The following SF3A2 variants were observed in gnomAD, a reference collection of about 807,000 sequenced individuals.
The protein encoded by SF3A2 is splicing factor 3a subunit 2.
Under a neutral mutation model 31.1 loss-of-function variants are expected in SF3A2, and 5 were observed. The ratio of observed to expected loss-of-function variants is 0.16; its 90% confidence interval spans 0.08 to 0.34. The LOEUF (loss-of-function observed/expected upper bound fraction) is 0.34, where lower values mean the gene tolerates loss of function less well. Among genes scored for constraint, SF3A2 ranks in the 10% least tolerant of loss-of-function variants. The probability of loss-of-function intolerance (pLI) is 1.00; values close to 1 mark genes in which losing one functional copy is unlikely to be tolerated. For missense variants in SF3A2, 577 were observed against 643.9 expected, an observed-to-expected ratio of 0.90 and a Z score of 1.13; for synonymous variants, 365 against 263.7, an observed-to-expected ratio of 1.38 and a Z score of -3.72.
chr19:2,243,649 G>A (rs903460441), intron 2 of SF3A2, 105 bp downstream of exon 2: 21 of 1,310,980 alleles, frequency 1.6e-5, no homozygotes, highest in Middle Eastern at 2.4e-4. Flanking sequence ...CAGGCTGGGC[G>A]ATGCAGCCCC....
chr19:2,239,002 T>G (rs2024865372), intron 1 of SF3A2, among the ~76,000 whole-genome samples: 2 of 152,216 alleles, frequency 1.3e-5, no homozygotes, highest in African/African-American at 4.8e-5. Flanking sequence ...AGTCCTTGAT[T>G]GTCTGAAAAC....
chr19:2,248,379 C>T lies in SF3A2; in HGVS notation c.1228C>T (p.Gln410Ter). ...CCCTCAGGCCCCGGGGGTCCACCCC[C>T]AACCTCCCGGGGTCCATCCGTCGGC... ...MHPQAPGVHP[Q>*]PPGVHPSAPG... The change falls in exon 9 of 9, where the codon CAA becomes TAA. Residue 410 changes from glutamine (Q) to a stop codon, truncating the protein, a stop_gained. Coordinates refer to ENST00000221494, the MANE Select transcript of SF3A2 (RefSeq NM_007165.5). LOFTEE classifies it high-confidence loss of function. 1 of 1,385,332 alleles carries T rather than the reference C, an allele frequency of 7.2e-7. No individual in the cohort carries two copies. Among genetic ancestry groups the T allele is most frequent in the Non-Finnish European group, 9.3e-7 (1 of 1,073,904 alleles). 85.8% of individuals were successfully genotyped at this position (1,385,332 alleles called of 1,614,324 possible).
At chr19:2,243,683 C>A in intron 2 of SF3A2, 139 bp downstream of exon 2, 1 of 986,286 alleles carries the variant, frequency 1.0e-6, no homozygotes, top group Non-Finnish European at 1.4e-6. Context: ...CCCCTGTTGC[C>A]CCCGAGCAGC....
chr19:2,247,226 A>C (rs114142346), intron 7 of SF3A2: 6,047 of 86,294 alleles, frequency 0.07, 69 homozygotes, highest in Middle Eastern at 0.12. Context: ...CCACTGGGCC[A>C]ATGAGAAGGG....
chr19:2,240,543 G>A (rs952854613), intron 1 of SF3A2, among the ~76,000 whole-genome samples: 2 of 152,226 alleles, frequency 1.3e-5, no homozygotes, highest in Non-Finnish European at 2.9e-5. Context: ...GTGAGTGGTT[G>A]AGTATTGGTC....
rs796562322 is a variant in SF3A2 at position 2,239,319 on chromosome 19, C to A, written c.-38+2418C>A. Among the ~76,000 whole-genome samples the A allele has an allele frequency of 5.7e-5, 8 of 139,958 alleles. 1 individual carries two copies. Among genetic ancestry groups the A allele is most frequent in the African/African-American group, 2.2e-4 (8 of 36,956 alleles). The allele number at this position is 139,958 out of a possible 152,430, so 91.8% of individuals were successfully genotyped here. On this transcript the variant is annotated intron_variant, in intron 1 of 8. Transcript: ENST00000221494. ...GGTGGAGGTTGCAGTGAGCCAAGAT[C>A]GAGCTACTGCCTGGGCGACAGAGCG... is the stretch of plus-strand genomic sequence containing the variant.
At position 2,245,397 on chromosome 19, in the gene SF3A2, G is replaced by A. The variant is rs913380548; in HGVS notation, c.246-49G>A. On this transcript the variant is annotated intron_variant, in intron 4 of 8. Transcript: ENST00000221494. This position sits in a 1 kb window ranked among gnomAD's most constrained non-coding sequence, Gnocchi z 4.2. ...TCCTGGCACCTGGGCCCATGGCTTT[G>A]GTGCCTGTGTGTGGAGGGGTCCCAG... 4 of 1,404,804 alleles carry A rather than the reference G, an allele frequency of 2.8e-6. No individual in the cohort carries two copies. The East Asian group carries it at 7.5e-5, about 26-fold the overall frequency. The allele number at this position is 1,404,804 out of a possible 1,614,324, so 87.0% of individuals were successfully genotyped here.
chr19:2,237,111 C>G (rs2024831055), intron 1 of SF3A2, among the ~76,000 whole-genome samples: 2 of 151,834 alleles, frequency 1.3e-5, no homozygotes, highest in Non-Finnish European at 2.9e-5. Context: ...CCGCCAGGAA[C>G]TCTATTTCCA....
At position 2,248,212 on chromosome 19, in the gene SF3A2, C is replaced by G; in HGVS notation, c.1061C>G (p.Ala354Gly). ...CCAGCCCCCGGAGTCCACCCACCAG[C>G]CCCTGGGGTTCACCCACCAGCCCCA... is the stretch of plus-strand genomic sequence containing the variant. ...HPPAPGVHPP[A>G]PGVHPPAPGV... Residue 354 changes from alanine to glycine, a missense_variant, in exon 9 of 9, where the codon GCC (alanine) becomes GGC (glycine). This residue lies in a region of SF3A2 where 462 missense variants were observed against 339.1 expected (regional missense o/e 1.36). Transcript: ENST00000221494. The G allele has an allele frequency of 6.8e-7, 1 of 1,464,288 alleles. No homozygotes were observed. The allele number at this position is 1,464,288 out of a possible 1,614,324, so 90.7% of individuals were successfully genotyped here. A position where few individuals can be genotyped will look rare whatever the true frequency, so the allele number is the denominator to read the frequency against.
chr19:2,241,658 C>T (rs113154722), intron 1 of SF3A2, among the ~76,000 whole-genome samples: 2,186 of 152,260 alleles, frequency 0.014, 45 homozygotes, highest in African/African-American at 0.049. Context: ...TGCAGTTCTC[C>T]CTGGTCCTGA....
In SF3A2 at chr19:2,245,987, G is replaced by A. The variant is rs2024928595; in HGVS notation, c.355+432G>A. The A allele has an allele frequency of 5.0e-6, 1 of 198,612 alleles. No individual in the cohort carries two copies. Among genetic ancestry groups the A allele is most frequent in the Non-Finnish European group, 1.0e-5 (1 of 97,010 alleles). The allele number at this position is 198,612 out of a possible 1,614,324, so 12.3% of individuals were successfully genotyped here. On this transcript the variant is annotated intron_variant, in intron 5 of 8. Coordinates refer to ENST00000221494, the MANE Select transcript of SF3A2 (RefSeq NM_007165.5). This position sits in a 1 kb window ranked among gnomAD's most constrained non-coding sequence, Gnocchi z 4.2. ...GTGGGAATGGCTAGAGGTGACCCCG[G>A]TTCAGAAAGCTGGGGAAGTGACCAG... is the stretch of plus-strand genomic sequence containing the variant.
chr19:2,241,517 G>A (rs2145008914), intron 1 of SF3A2, among the ~76,000 whole-genome samples: 1 of 152,322 alleles, frequency 6.6e-6, no homozygotes, highest in South Asian at 2.1e-4. Flanking sequence ...TGTCCGGGCG[G>A]CACCCACACA....
At chr19:2,243,305 C>A in intron 1 of SF3A2, 77 bp from the exon 2 acceptor site, 1 of 1,270,332 alleles carries the variant, frequency 7.9e-7, no homozygotes. Flanking sequence ...GGGCTCCAGC[C>A]CAGCCCGCCC....
intron 2 of SF3A2, among the ~76,000 whole-genome samples, chr19:2,243,747 C>T (rs753921300): frequency 6.6e-6 from 1 of 152,254 alleles, no homozygotes; most frequent in African/African-American, 2.4e-5. Flanking sequence ...CTCTGAGTCC[C>T]ATGTGGACAT....
Position 2,246,822 on chromosome 19 carries a change from C to G in SF3A2, c.405+20C>G. ...TTCCAGGTGAGATCAGGGACTTGGG[C>G]GTGGGGGGCGGCCAAAGGCACCCAA... On this transcript the variant is annotated intron_variant, in intron 6 of 8. Coordinates refer to ENST00000221494, the MANE Select transcript of SF3A2 (RefSeq NM_007165.5). The surrounding 1 kb of genome is among the most constrained non-coding windows in gnomAD (Gnocchi z 5.5). 1 of 1,613,678 alleles carries G rather than the reference C, an allele frequency of 6.2e-7. No homozygotes were observed. The highest frequency in any genetic ancestry group is 1.1e-5 in the South Asian group (1 of 91,078).
In SF3A2 at chr19:2,248,087, TCCTGGCGTCCATCCCCCAGCC is replaced by T. The variant is rs2024959163; in HGVS notation, c.942_962del (p.Ala319_Pro325del). 5 of 893,814 alleles carry T rather than the reference TCCTGGCGTCCATCCCCCAGCC, an allele frequency of 5.6e-6. No individual in the cohort carries two copies. Among genetic ancestry groups the T allele is most frequent in the East Asian group, 2.8e-5 (1 of 36,136 alleles). The allele number at this position is 893,814 out of a possible 1,614,324, so 55.4% of individuals were successfully genotyped here. The stretch of plus-strand genomic sequence containing the variant: ...CAGCTCCTGGCGTCCACCCCCCAGC[TCCTGGCGTCCATCCCCCAGCC>T]CCTGGGGTCCACCCACCAACCTCTG... On this transcript the variant is annotated inframe_deletion, in exon 9 of 9. Coordinates refer to ENST00000221494, the MANE Select transcript of SF3A2 (RefSeq NM_007165.5).
In SF3A2 at chr19:2,248,412, G is replaced by T; in HGVS notation, c.1261G>T (p.Val421Phe). ...PPGVHPSAPG[V>F]HPQPPGVHPS... ...CGGGGTCCATCCGTCGGCTCCTGGGGTCCACCCTCAGCCTCCGGGAGTTCA... is the reference window on the plus strand; with the variant it reads ...CGGGGTCCATCCGTCGGCTCCTGGGTTCCACCCTCAGCCTCCGGGAGTTCA... Residue 421 changes from valine to phenylalanine, a missense_variant, in exon 9 of 9, where the codon GTC (valine) becomes TTC (phenylalanine). Physicochemically the swap from Val to Phe is conservative, Grantham distance 50. This residue lies in a region of SF3A2 where 462 missense variants were observed against 339.1 expected (regional missense o/e 1.36). Coordinates refer to ENST00000221494, the MANE Select transcript of SF3A2 (RefSeq NM_007165.5). The T allele has an allele frequency of 7.2e-7, 1 of 1,381,438 alleles. No homozygotes were observed. The highest frequency in any genetic ancestry group is 9.3e-7 in the Non-Finnish European group (1 of 1,071,024). 85.6% of individuals were successfully genotyped at this position (1,381,438 alleles called of 1,614,324 possible). A position where few individuals can be genotyped will look rare whatever the true frequency, so the allele number is the denominator to read the frequency against.
chr19:2,247,136 C>T, intron 7 of SF3A2, 114 bp downstream of exon 7: 1 of 1,403,512 alleles, frequency 7.1e-7, no homozygotes, highest in East Asian at 2.5e-5. Flanking sequence ...GGGCCCCCCC[C>T]AAGTCGGAGC....
At position 2,245,203 on chromosome 19, in the gene SF3A2, GAGC is replaced by G; in HGVS notation, c.246-240_246-238del. Reference sequence around the variant, plus strand: ...TTGTCTTATTAAAAAAAAAAAAAAAGAGCAGAGGCATGGAGTTGTTGGAAGGGC... The same window carrying G: ...TTGTCTTATTAAAAAAAAAAAAAAAGAGAGGCATGGAGTTGTTGGAAGGGC... On this transcript the variant is annotated intron_variant, in intron 4 of 8. Transcript: ENST00000221494. The surrounding 1 kb of genome is among the most constrained non-coding windows in gnomAD (Gnocchi z 4.2). 3 of 484,634 alleles carry G rather than the reference GAGC, an allele frequency of 6.2e-6. No individual in the cohort carries two copies. The highest frequency in any genetic ancestry group is 1.1e-5 in the Non-Finnish European group (3 of 274,526). The allele number at this position is 484,634 out of a possible 1,614,324, so 30.0% of individuals were successfully genotyped here. A position where few individuals can be genotyped will look rare whatever the true frequency, so the allele number is the denominator to read the frequency against.
Sources: gnomAD v4.1 joint callset for allele counts (sites outside exome capture counted in the v4.1 genomes callset) on GRCh38, gnomAD v4.1.1 for gene constraint, gnomAD v4.1.1 regional missense constraint, Gnocchi (gnomAD v3.1) non-coding constraint, MANE v1.5 for transcripts, NCBI Gene and HGNC (gene_info 2026-07-23, HGNC 2026-07-21) for gene names.